The following MOB4 variants were observed in gnomAD, a reference collection of about 807,000 sequenced individuals.
MOB4 encodes MOB-like protein phocein.
In MOB4, 4 loss-of-function variants were observed where a neutral mutation model predicts 32.2. That is an observed-to-expected ratio of 0.12 (90% CI 0.06 to 0.28). The LOEUF (loss-of-function observed/expected upper bound fraction) is 0.28, where lower values mean the gene tolerates loss of function less well. MOB4 is among the 10% of genes least tolerant of loss of function. MOB4 has a pLI of 1.00. For synonymous variants in MOB4, 88 were observed against 88.1 expected, an observed-to-expected ratio of 1.00 and a Z score of 0.01; for missense variants, 158 against 271.2, an observed-to-expected ratio of 0.58 and a Z score of 2.93.
upstream of MOB4, chr2:197,515,864 T>A (rs911542747): frequency 5.5e-6 from 3 of 546,118 alleles, no homozygotes; most frequent in African/African-American, 2.0e-5. Context: ...TTCCGGTGCC[T>A]CAGTCCCTGC....
At chr2:197,534,099 T>C (rs1298704799) in intron 2 of MOB4, 2 of 291,224 alleles carry the variant, frequency 6.9e-6, no homozygotes, top group Admixed American at 8.5e-5. Context: ...GTTTTTCTTT[T>C]GGTTTCTATG....
intron 1 of MOB4, among the ~76,000 whole-genome samples, 178 bp from the exon 2 acceptor site, chr2:197,523,446 G>C (rs2086557044): frequency 6.6e-6 from 1 of 152,194 alleles, no homozygotes; most frequent in Non-Finnish European, 1.5e-5. Context: ...GGGCTGCAGA[G>C]TGAGACCCTG....
In MOB4 at chr2:197,551,316, TA is replaced by T. The variant is rs2087094075; in HGVS notation, c.*673del. On this transcript the variant is annotated 3_prime_UTR_variant, in exon 8 of 8. Coordinates refer to ENST00000323303, the MANE Select transcript of MOB4 (RefSeq NM_015387.5). ...AGGATGATCACAATGGTAAGGCACA[TA>T]AATTATTTTCCCACTGGAAACCTGC... is the stretch of plus-strand genomic sequence containing the variant. The T allele has an allele frequency of 6.5e-6, 1 of 152,692 alleles. No individual in the cohort carries two copies. Among genetic ancestry groups the T allele is most frequent in the East Asian group, 1.9e-4 (1 of 5,332 alleles). 9.5% of individuals were successfully genotyped at this position (152,692 alleles called of 1,614,324 possible).
intron 2 of MOB4, among the ~76,000 whole-genome samples, chr2:197,533,453 G>A (rs569610685): frequency 1.5e-4 from 23 of 152,164 alleles, no homozygotes; most frequent in African/African-American, 5.3e-4. Context: ...GGCTGGGTAC[G>A]GTGGCTCATG....
At chr2:197,549,881 AAAAG>A (rs1176019499) in intron 6 of MOB4, among the ~76,000 whole-genome samples, 3 of 148,982 alleles carry the variant, frequency 2.0e-5, no homozygotes, top group African/African-American at 4.9e-5. Flanking sequence ...AAAAAAAAAG[AAAAG>A]AAAAGGAAAG....
chr2:197,541,715 C>T (rs569289315), intron 5 of MOB4, among the ~76,000 whole-genome samples: 5 of 152,086 alleles, frequency 3.3e-5, no homozygotes, highest in Non-Finnish European at 5.9e-5. Context: ...GTCAGGAGAT[C>T]GAGACCATCC....
chr2:197,521,802 A>T (rs2086524411), intron 1 of MOB4, among the ~76,000 whole-genome samples: 1 of 152,174 alleles, frequency 6.6e-6, no homozygotes, highest in Non-Finnish European at 1.5e-5. Flanking sequence ...TTATTCCCTG[A>T]ACAATTGCTG....
chr2:197,537,080 TC>T (rs1489477350), intron 3 of MOB4, among the ~76,000 whole-genome samples: 2 of 152,142 alleles, frequency 1.3e-5, no homozygotes, highest in Non-Finnish European at 2.9e-5. Flanking sequence ...CAGTTCCTAG[TC>T]TAGGCTTGGT....
intron 5 of MOB4, among the ~76,000 whole-genome samples, chr2:197,544,643 C>T (rs2086960874): frequency 6.6e-6 from 1 of 151,674 alleles, no homozygotes; most frequent in African/African-American, 2.4e-5. Context: ...GTCTCAGCTA[C>T]TTGGGAGGCT....
chr2:197,536,595 C>CTTTTTTTTTT (rs71012981), intron 3 of MOB4, among the ~76,000 whole-genome samples: 2 of 55,382 alleles, frequency 3.6e-5, no homozygotes, highest in African/African-American at 7.6e-5. Context: ...CATCTTTTGT[C>CTTTTTTTTTT]TTTTTTTTTT....
rs575853132 is a variant in MOB4 at position 197,540,103 on chromosome 2, A to G, written c.225-8A>G. ...TATGACTTTTTATTTATGTATTTGCATTTTCAGGCAGTTCTGCCTTGAGCT... is the reference window on the plus strand; with the variant it reads ...TATGACTTTTTATTTATGTATTTGCGTTTTCAGGCAGTTCTGCCTTGAGCT... On this transcript the variant is annotated splice_region_variant and splice_polypyrimidine_tract_variant and intron_variant, in intron 3 of 7. Transcript: ENST00000323303. 1 of 1,592,306 alleles carries G rather than the reference A, an allele frequency of 6.3e-7. No homozygotes were observed. The highest frequency in any genetic ancestry group is 1.3e-5 in the African/African-American group (1 of 74,440).
intron 3 of MOB4, among the ~76,000 whole-genome samples, chr2:197,538,163 A>C (rs2086835325): frequency 6.6e-6 from 1 of 151,888 alleles, no homozygotes; most frequent in South Asian, 2.1e-4. Flanking sequence ...ATCTAAGAAA[A>C]CATTTATCTC....
At position 197,550,385 on chromosome 2, in the gene MOB4, A is replaced by G; in HGVS notation, c.545A>G (p.Glu182Gly). 6.2e-7 allele frequency: 1 copy of G among 1,613,066 alleles called. No homozygotes were observed. Among genetic ancestry groups the G allele is most frequent in the Non-Finnish European group, 8.5e-7 (1 of 1,179,466 alleles). ...CATCGGCAGATATTTGATGAATATGAAGTAAGTATATTTCACTGATTATCT... is the reference window on the plus strand; with the variant it reads ...CATCGGCAGATATTTGATGAATATGGAGTAAGTATATTTCACTGATTATCT... ...FHHRQIFDEY[E>G]NETFLCHRFT... Residue 182 changes from glutamate (E) to glycine (G), a missense_variant and splice_region_variant, in exon 7 of 8, where the codon GAA (glutamate) becomes GGA (glycine). This residue lies in a region of MOB4 where 45 missense variants were observed against 65.6 expected (regional missense o/e 0.69). Transcript: ENST00000323303.
intron 3 of MOB4, 55 bp from the exon 4 acceptor site, chr2:197,540,055 TA>T: frequency 6.5e-7 from 1 of 1,539,088 alleles, no homozygotes. Context: ...GCTAATATTC[TA>T]AAAATTGCTG....
Position 197,550,779 on chromosome 2 carries a change from CT to C in MOB4, c.*137del. Reference sequence around the variant, plus strand: ...ATAGGTTTTTGTATGCTGGGTTTGCCTTTTAAAATGGGAAATACTTTTTAAG... The same window carrying C: ...ATAGGTTTTTGTATGCTGGGTTTGCCTTTAAAATGGGAAATACTTTTTAAG... On this transcript the variant is annotated 3_prime_UTR_variant, in exon 8 of 8. Coordinates refer to ENST00000323303, the MANE Select transcript of MOB4 (RefSeq NM_015387.5). The C allele has an allele frequency of 1.7e-6, 2 of 1,164,312 alleles. No individual in the cohort carries two copies. The highest frequency in any genetic ancestry group is 2.2e-6 in the Non-Finnish European group (2 of 889,400). The allele number at this position is 1,164,312 out of a possible 1,614,324, so 72.1% of individuals were successfully genotyped here.
intron 2 of MOB4, among the ~76,000 whole-genome samples, chr2:197,531,743 C>T (rs1167927689): frequency 1.3e-5 from 2 of 151,836 alleles, no homozygotes; most frequent in African/African-American, 2.4e-5. Flanking sequence ...TGGGGTTTTA[C>T]CCTATTGGCC....
At chr2:197,516,476 T>C (rs984529112) in intron 1 of MOB4, 23 of 1,039,724 alleles carry the variant, frequency 2.2e-5, no homozygotes, top group South Asian at 3.1e-5. Flanking sequence ...CTGACTAGCA[T>C]TGGAGGGGCG....
At chr2:197,519,116 G>C (rs528731807) in intron 1 of MOB4, among the ~76,000 whole-genome samples, 1 of 151,424 alleles carries the variant, frequency 6.6e-6, no homozygotes, top group Non-Finnish European at 1.5e-5. Context: ...GGTTGGTCTC[G>C]AACTCCTGAC....
chr2:197,538,902 C>T (rs908095566), intron 3 of MOB4, among the ~76,000 whole-genome samples: 3 of 152,098 alleles, frequency 2.0e-5, no homozygotes, highest in African/African-American at 7.2e-5. Flanking sequence ...CTAAGGACAG[C>T]ATTATTAGGC....
Sources: gnomAD v4.1 joint callset for allele counts (sites outside exome capture counted in the v4.1 genomes callset) on GRCh38, gnomAD v4.1.1 for gene constraint, gnomAD v4.1.1 regional missense constraint, MANE v1.5 for transcripts, NCBI Gene and HGNC (gene_info 2026-07-23, HGNC 2026-07-21) for gene names.